The following MARCHF1 variants were observed in gnomAD, a reference collection of about 807,000 sequenced individuals.
The protein encoded by MARCHF1 is E3 ubiquitin-protein ligase MARCHF1.
Under a neutral mutation model 54.2 loss-of-function variants are expected in MARCHF1, and 40 were observed. The ratio of observed to expected loss-of-function variants is 0.74; its 90% CI spans 0.57 to 0.96. The LOEUF (loss-of-function observed/expected upper bound fraction) is 0.96. MARCHF1 is among the 40% of genes least tolerant of loss of function. The pLI, the probability that MARCHF1 is intolerant of heterozygous loss-of-function variation, is 0.00. For missense variants in MARCHF1, 586 were observed against 656.5 expected (o/e 0.89, Z 1.17); for synonymous variants, 236 against 236.3 (o/e 1.00, Z 0.01).
intron 9 of MARCHF1, among the ~76,000 whole-genome samples, chr4:163,538,196 C>A (rs1436664214): frequency 1.3e-5 from 2 of 152,164 alleles, no homozygotes; most frequent in African/African-American, 4.8e-5. Flanking sequence ...TCATTCTAGA[C>A]TCTTGGGAGT....
chr4:163,821,123 C>A (rs1223455347), intron 4 of MARCHF1, among the ~76,000 whole-genome samples: 1 of 151,968 alleles, frequency 6.6e-6, no homozygotes, highest in Non-Finnish European at 1.5e-5. Flanking sequence ...ACACTTTAAT[C>A]TTTGCTTATA....
intron 3 of MARCHF1, among the ~76,000 whole-genome samples, chr4:163,972,592 G>A (rs1418420157): frequency 1.3e-5 from 2 of 152,112 alleles, no homozygotes; most frequent in African/African-American, 4.8e-5. Flanking sequence ...AGCCGCCCAG[G>A]CTGGAGTGCA....
intron 8 of MARCHF1, among the ~76,000 whole-genome samples, chr4:163,573,556 C>T (rs1440431000): frequency 7.5e-4 from 111 of 147,222 alleles, no homozygotes; most frequent in South Asian, 8.6e-4. Flanking sequence ...AGTGAGAATA[C>T]GCGGTGTTTG....
chr4:164,244,326 T>C (rs557017431), intron 1 of MARCHF1, among the ~76,000 whole-genome samples: 60 of 152,170 alleles, frequency 3.9e-4, no homozygotes, highest in Middle Eastern at 3.4e-3. Context: ...CGCAACTACA[T>C]GGAAACTGAA....
chr4:164,097,438 G>C (rs947019414), intron 2 of MARCHF1, among the ~76,000 whole-genome samples: 3 of 151,966 alleles, frequency 2.0e-5, no homozygotes, highest in Non-Finnish European at 4.4e-5. Context: ...ACCATATTTT[G>C]GTTATTATAG....
chr4:163,927,814 T>C (rs1751568139), intron 3 of MARCHF1, among the ~76,000 whole-genome samples: 1 of 151,848 alleles, frequency 6.6e-6, no homozygotes, highest in Non-Finnish European at 1.5e-5. Context: ...TCAAGCCTAA[T>C]TTTAAAATTA....
intron 4 of MARCHF1, among the ~76,000 whole-genome samples, chr4:163,763,894 T>C (rs941898226): frequency 3.3e-5 from 5 of 152,012 alleles, no homozygotes; most frequent in African/African-American, 9.7e-5. Flanking sequence ...TAAATGTGTG[T>C]TTTTTTGATG....
At chr4:163,568,047 T>C (rs752099209) in intron 8 of MARCHF1, among the ~76,000 whole-genome samples, 1 of 152,150 alleles carries the variant, frequency 6.6e-6, no homozygotes, top group Non-Finnish European at 1.5e-5. Flanking sequence ...GACGGCTCAT[T>C]AATATTACAG....
chr4:163,762,599 T>C, intron 4 of MARCHF1, among the ~76,000 whole-genome samples: 1 of 152,066 alleles, frequency 6.6e-6, no homozygotes, highest in Non-Finnish European at 1.5e-5. Flanking sequence ...TTAGAAGAAA[T>C]TGCATCTTTA....
intron 3 of MARCHF1, among the ~76,000 whole-genome samples, chr4:163,931,861 A>C (rs1265566695): frequency 6.6e-6 from 1 of 152,194 alleles, no homozygotes; most frequent in African/African-American, 2.4e-5. Context: ...GGATTTACCA[A>C]ATCTCCATAA....
chr4:163,770,601 A>G (rs115568619), intron 4 of MARCHF1, among the ~76,000 whole-genome samples: 1 of 140,476 alleles, frequency 7.1e-6, no homozygotes, highest in African/African-American at 2.6e-5. Context: ...CTCACGTAAT[A>G]ATGATGGGGA....
chr4:163,771,992 A>G (rs969745049), intron 4 of MARCHF1, among the ~76,000 whole-genome samples: 1 of 152,174 alleles, frequency 6.6e-6, no homozygotes, highest in Non-Finnish European at 1.5e-5. Flanking sequence ...GTTGAATTTC[A>G]TGAATTATCA....
intron 1 of MARCHF1, among the ~76,000 whole-genome samples, chr4:164,116,951 A>C (rs1478377486): frequency 1.3e-5 from 2 of 152,112 alleles, no homozygotes; most frequent in Non-Finnish European, 2.9e-5. Flanking sequence ...ATGCCAAATC[A>C]ATGTCTCTTT....
intron 2 of MARCHF1, among the ~76,000 whole-genome samples, chr4:164,087,109 A>T (rs577858446): frequency 1.3e-5 from 2 of 152,192 alleles, no homozygotes; most frequent in South Asian, 4.1e-4. Flanking sequence ...TGCCTCAGAG[A>T]TGAAGCACAG....
chr4:163,642,828 ATTAT>A (rs1742601018), intron 5 of MARCHF1, among the ~76,000 whole-genome samples: 1 of 152,162 alleles, frequency 6.6e-6, no homozygotes, highest in African/African-American at 2.4e-5. Flanking sequence ...AATGAATGGA[ATTAT>A]TTATTATAAT....
At chr4:164,233,293 G>C (rs1015436319) in intron 1 of MARCHF1, among the ~76,000 whole-genome samples, 6 of 151,362 alleles carry the variant, frequency 4.0e-5, no homozygotes, top group African/African-American at 1.5e-4. Context: ...ATCAGACCCT[G>C]GTCTTATTTA....
At chr4:164,068,320 C>T (rs866364224) in intron 2 of MARCHF1, among the ~76,000 whole-genome samples, 12 of 152,152 alleles carry the variant, frequency 7.9e-5, no homozygotes, top group African/African-American at 2.2e-4. Context: ...TTCAGCCCAC[C>T]GCTACACTGT....
chr4:163,673,786 A>T (rs1428489468), intron 5 of MARCHF1, among the ~76,000 whole-genome samples: 1 of 152,232 alleles, frequency 6.6e-6, no homozygotes, highest in African/African-American at 2.4e-5. Context: ...GAGCTGGAGA[A>T]TACAAACAGT....
intron 8 of MARCHF1, among the ~76,000 whole-genome samples, chr4:163,546,106 T>G (rs1302833612): frequency 6.6e-6 from 1 of 152,056 alleles, no homozygotes; most frequent in Admixed American, 6.6e-5. Context: ...CCAGAGTAGC[T>G]GGGACTATGG....
Sources: allele counts gnomAD v4.1 joint callset (sites outside exome capture counted in the v4.1 genomes callset), GRCh38; gene constraint gnomAD v4.1.1; transcripts MANE v1.5; gene names NCBI Gene and HGNC (gene_info 2026-07-23, HGNC 2026-07-21).